Variants in CNNM1 observed in about 807,000 individuals in gnomAD.
The protein encoded by CNNM1 is cyclin and CBS domain divalent metal cation transport mediator 1, also known as metal transporter CNNM1.
A neutral mutation model predicts 78.8 loss-of-function variants in CNNM1; 44 were observed. The observed-to-expected ratio is 0.56, with a 90% confidence interval of 0.44 to 0.72. The LOEUF (loss-of-function observed/expected upper bound fraction) is 0.72, where lower values mean the gene tolerates loss of function less well. Ranked by LOEUF, CNNM1 falls within the 30% of genes least tolerant of loss-of-function variation. The pLI is 0.00. For synonymous variants in CNNM1, 584 were observed against 581.5 expected (o/e 1.00, Z -0.06); for missense variants, 1,101 against 1,292.2 (o/e 0.85, Z 2.27).
At chr10:99,363,616 T>C (rs915587325) in intron 4 of CNNM1, among the ~76,000 whole-genome samples, 2 of 152,164 alleles carry the variant, frequency 1.3e-5, no homozygotes, top group Non-Finnish European at 2.9e-5. Context: ...GTGGGGCTAA[T>C]TGCATGAGAA....
chr10:99,355,737 T>C (rs1467082394), intron 1 of CNNM1, among the ~76,000 whole-genome samples: 1 of 152,248 alleles, frequency 6.6e-6, no homozygotes, highest in Non-Finnish European at 1.5e-5. Flanking sequence ...TTAACCAATC[T>C]GTGCCTCAGT....
chr10:99,367,751 A>G (rs1025946932), intron 6 of CNNM1, among the ~76,000 whole-genome samples: 2 of 152,202 alleles, frequency 1.3e-5, no homozygotes, highest in African/African-American at 4.8e-5. Context: ...TCCATATGCT[A>G]TCATCTGCAG....
At chr10:99,344,528 G>A (rs777386440) in intron 1 of CNNM1, among the ~76,000 whole-genome samples, 7 of 152,132 alleles carry the variant, frequency 4.6e-5, no homozygotes, top group Non-Finnish European at 1.0e-4. Context: ...TCCAGCCCAT[G>A]TAAAACTGTA....
At chr10:99,353,828 G>C (rs953483505) in intron 1 of CNNM1, among the ~76,000 whole-genome samples, 2 of 152,094 alleles carry the variant, frequency 1.3e-5, no homozygotes, top group African/African-American at 4.8e-5. Context: ...AGCTTACCTA[G>C]GTACATTATC....
Position 99,329,362 on chromosome 10 carries a change from TCACG to T in CNNM1, c.-25_-22del. 1 of 580,660 alleles carries T rather than the reference TCACG, an allele frequency of 1.7e-6. No individual in the cohort carries two copies. Among genetic ancestry groups the T allele is most frequent in the Non-Finnish European group, 2.8e-6 (1 of 350,942 alleles). The allele number at this position is 580,660 out of a possible 1,614,324, so 36.0% of individuals were successfully genotyped here. A position where few individuals can be genotyped will look rare whatever the true frequency, so the allele number is the denominator to read the frequency against. ...AGCTCTCGCTCGGCTTCCTGCAGTA[TCACG>T]TGCAGCTGCGCTGGGTGCAGGATGG... On this transcript the variant is annotated 5_prime_UTR_variant, in exon 1 of 11. Transcript: ENST00000356713.
chr10:99,341,877 G>T (rs75034032), intron 1 of CNNM1, among the ~76,000 whole-genome samples: 2 of 152,268 alleles, frequency 1.3e-5, no homozygotes, highest in East Asian at 3.9e-4. Context: ...ACCCATTCCT[G>T]CCTTTCTTAA....
chr10:99,387,782 G>A, intron 7 of CNNM1, 38 bp from the exon 8 acceptor site: 1 of 1,540,722 alleles, frequency 6.5e-7, no homozygotes, highest in South Asian at 1.3e-5. Flanking sequence ...GGTGGTCTCT[G>A]CCTAGCTGCT....
chr10:99,361,124 G>A, intron 3 of CNNM1, 149 bp downstream of exon 3: 1 of 764,594 alleles, frequency 1.3e-6, no homozygotes, highest in Non-Finnish European at 1.9e-6. Context: ...CCTTAGACAG[G>A]GTAATGGATG....
rs2032531353 is a variant in CNNM1, at chr10:99,393,464, G to T, written c.*1948G>T. 1.3e-5 allele frequency: 2 copies of T among 152,512 alleles called. No individual in the cohort carries two copies. The highest frequency in any genetic ancestry group is 4.2e-4 in the South Asian group (2 of 4,816). The allele number at this position is 152,512 out of a possible 1,614,324, so 9.4% of individuals were successfully genotyped here. Reference sequence around the variant, plus strand: ...TGTATGTTTTTTCCAGAGCATTAAAGCTTTCATAAGGTTCTCAAAGGTCTC... The same window carrying T: ...TGTATGTTTTTTCCAGAGCATTAAATCTTTCATAAGGTTCTCAAAGGTCTC... On this transcript the variant is annotated 3_prime_UTR_variant, in exon 11 of 11. Transcript: ENST00000356713.
rs182105175 is a variant in CNNM1 at position 99,360,747 on chromosome 10, T to G, written c.1718-88T>G. 246 of 1,487,964 alleles carry G rather than the reference T, an allele frequency of 1.7e-4. 2 individuals carry two copies. In the East Asian group the frequency reaches 5.6e-3, roughly 34 times the overall value. 92.2% of individuals were successfully genotyped at this position (1,487,964 alleles called of 1,614,324 possible). A position where few individuals can be genotyped will look rare whatever the true frequency, so the allele number is the denominator to read the frequency against. ...ACCCATAGTTGACACTGCAGAAATG[T>G]TCTATCTGTCCCCTGTGATTCTGGG... On this transcript the variant is annotated intron_variant, in intron 2 of 10. Coordinates refer to ENST00000356713, the MANE Select transcript of CNNM1 (RefSeq NM_020348.3).
chr10:99,372,270 A>G (rs558425862), intron 6 of CNNM1, among the ~76,000 whole-genome samples: 54 of 152,252 alleles, frequency 3.5e-4, no homozygotes, highest in African/African-American at 1.2e-3. Context: ...CAGCAATCCA[A>G]GTAGCCAACC....
chr10:99,370,398 G>A (rs1274373919), intron 6 of CNNM1, among the ~76,000 whole-genome samples: 1 of 152,180 alleles, frequency 6.6e-6, no homozygotes. Context: ...CAGAGGTAGG[G>A]AATGCCTAGT....
rs990750609 is a variant in CNNM1, at chr10:99,393,631, G to A, written c.*2115G>A. On this transcript the variant is annotated 3_prime_UTR_variant, in exon 11 of 11. Coordinates refer to ENST00000356713, the MANE Select transcript of CNNM1 (RefSeq NM_020348.3). ...CGAGACAGGTTTTTAATCATAAGTG[G>A]TCTTTTCAAATGTCCATCAATTGAT... 2 of 152,476 alleles carry A rather than the reference G, an allele frequency of 1.3e-5. No individual in the cohort carries two copies. The highest frequency in any genetic ancestry group is 4.8e-5 in the African/African-American group (2 of 41,396). 9.4% of individuals were successfully genotyped at this position (152,476 alleles called of 1,614,324 possible).
intron 1 of CNNM1, among the ~76,000 whole-genome samples, chr10:99,346,664 G>C (rs2030708163): frequency 6.6e-6 from 1 of 152,130 alleles, no homozygotes; most frequent in African/African-American, 2.4e-5. Context: ...ACTTAAACCT[G>C]CCCAAAACTG....
chr10:99,387,216 G>T (rs1229791475), intron 7 of CNNM1, among the ~76,000 whole-genome samples: 2 of 152,178 alleles, frequency 1.3e-5, no homozygotes, highest in Admixed American at 6.5e-5. Context: ...GATGCCTTCA[G>T]TTGTGGGTGT....
chr10:99,374,064 C>A (rs866361756), intron 6 of CNNM1, among the ~76,000 whole-genome samples: 5 of 152,126 alleles, frequency 3.3e-5, no homozygotes, highest in Non-Finnish European at 5.9e-5. Flanking sequence ...TACATAATTT[C>A]TTTTCCTTTG....
intron 9 of CNNM1, among the ~76,000 whole-genome samples, 184 bp downstream of exon 9, chr10:99,388,485 T>C (rs1356523786): frequency 6.6e-6 from 1 of 152,222 alleles, no homozygotes; most frequent in Non-Finnish European, 1.5e-5. Flanking sequence ...TCAGGCCCTG[T>C]CTGATTCATT....
chr10:99,345,425 A>G (rs1011397307), intron 1 of CNNM1, among the ~76,000 whole-genome samples: 6 of 152,174 alleles, frequency 3.9e-5, no homozygotes, highest in African/African-American at 1.2e-4. Context: ...GAGTCCACAT[A>G]TCTCTCTTCT....
In CNNM1 at chr10:99,391,486, C is replaced by T. The variant is rs780650014; in HGVS notation, c.2826C>T (p.Asp942=). Residue 942 remains aspartate (D), a synonymous_variant, in exon 11 of 11, where the codon GAC becomes GAT. Transcript: ENST00000356713. The part of the protein sequence containing the change: ...RSPEGERTSE[D]NSNLTPLIT ...CAGAAGGAGAGAGAACCTCTGAGGA[C>T]AACTCCAATTTAACACCTCTGATCA... The T allele has an allele frequency of 6.2e-7, 1 of 1,613,910 alleles. No individual in the cohort carries two copies. The highest frequency in any genetic ancestry group is 8.5e-7 in the Non-Finnish European group (1 of 1,179,824).
Sources: allele counts gnomAD v4.1 joint callset (sites outside exome capture counted in the v4.1 genomes callset), GRCh38; gene constraint gnomAD v4.1.1; transcripts MANE v1.5; gene names NCBI Gene and HGNC (gene_info 2026-07-23, HGNC 2026-07-21).